The following ITFG2 variants were observed in gnomAD, a reference collection of about 807,000 sequenced individuals.
The protein encoded by ITFG2 is integrin alpha FG-GAP repeat containing 2, also known as KICSTOR complex protein ITFG2.
In ITFG2, 36 loss-of-function variants were observed where a neutral mutation model predicts 54.4. The observed-to-expected ratio is 0.66, with a 90% confidence interval of 0.51 to 0.87. The LOEUF is 0.87. Ranked by LOEUF, ITFG2 falls within the 40% of genes least tolerant of loss-of-function variation. ITFG2 has a pLI of 0.00. For missense variants in ITFG2, 524 were observed against 576.7 expected (o/e 0.91, Z 0.94); for synonymous variants, 211 against 225.4 (o/e 0.94, Z 0.57).
At chr12:2,829,046 A>C (rs1035554679), downstream of ITFG2, among the ~76,000 whole-genome samples, 1 of 152,112 alleles carries the variant, frequency 6.6e-6, no homozygotes, top group African/African-American at 2.4e-5. Flanking sequence ...CAAAAAATAA[A>C]ATGGAAAAAA....
intron 1 of ITFG2, among the ~76,000 whole-genome samples, chr12:2,837,800 A>G (rs538169760): frequency 2.0e-5 from 3 of 152,284 alleles, no homozygotes; most frequent in East Asian, 3.9e-4. Context: ...CTGAACTCCA[A>G]CCTGGGTGAC....
chr12:2,834,835 G>T (rs770852703), upstream of ITFG2: 2 of 1,613,678 alleles, frequency 1.2e-6, no homozygotes, highest in Non-Finnish European at 1.7e-6. Context: ...GGTGCTCATG[G>T]CCCCTGCTGG....
At chr12:2,849,398 C>T in intron 2 of ITFG2, 2 of 1,536,178 alleles carry the variant, frequency 1.3e-6, no homozygotes, top group Non-Finnish European at 1.7e-6. Flanking sequence ...AGCTTTAGCA[C>T]CTTCTCCTGG....
chr12:2,853,697 T>C (rs962903560), intron 2 of ITFG2, among the ~76,000 whole-genome samples: 1 of 151,962 alleles, frequency 6.6e-6, no homozygotes, highest in African/African-American at 2.4e-5. Flanking sequence ...ATTTGAGACA[T>C]TCCTTTTCAT....
chr12:2,815,094 G>A (rs906211422), intron 1 of ITFG2, among the ~76,000 whole-genome samples: 5 of 151,558 alleles, frequency 3.3e-5, no homozygotes, highest in Admixed American at 2.0e-4. Flanking sequence ...GGCCTGCCTC[G>A]GCCTCCCAAA....
chr12:2,818,236 A>G lies in ITFG2; in HGVS notation c.365A>G (p.His122Arg). 6.2e-7 allele frequency: 1 copy of G among 1,613,924 alleles called. No homozygotes were observed. Among genetic ancestry groups the G allele is most frequent in the Non-Finnish European group, 8.5e-7 (1 of 1,180,038 alleles). ...GEEQRPVFKQ[H>R]IPANTKVMLI... Reference sequence around the variant, plus strand: ...GAGCAGCGTCCAGTCTTCAAGCAGCACATCCCTGCCAACACCAAGGTCATG... The same window carrying G: ...GAGCAGCGTCCAGTCTTCAAGCAGCGCATCCCTGCCAACACCAAGGTCATG... Residue 122 changes from histidine to arginine, a missense_variant, in exon 4 of 12, where the codon CAC (histidine) becomes CGC (arginine). Physicochemically the swap from His to Arg is conservative, Grantham distance 29. Coordinates refer to ENST00000228799, the MANE Select transcript of ITFG2 (RefSeq NM_018463.4).
rs1378033389 is a variant in ITFG2, at chr12:2,817,904, T to C, written c.193-5T>C. On this transcript the variant is annotated splice_polypyrimidine_tract_variant and splice_region_variant and intron_variant, in intron 2 of 11. Transcript: ENST00000228799. ...TCTCCCTGAGCCTCCCTTTCTCTCTTACAGCTGACTTGCGTTGGGGTTGGA... is the reference window on the plus strand; with the variant it reads ...TCTCCCTGAGCCTCCCTTTCTCTCTCACAGCTGACTTGCGTTGGGGTTGGA... 3 of 1,613,764 alleles carry C rather than the reference T, an allele frequency of 1.9e-6. No homozygotes were observed. Among genetic ancestry groups the C allele is most frequent in the Non-Finnish European group, 2.5e-6 (3 of 1,179,868 alleles).
At chr12:2,854,950 C>T (rs924806459) in intron 2 of ITFG2, 7 of 1,536,030 alleles carry the variant, frequency 4.6e-6, no homozygotes, top group Middle Eastern at 1.7e-4. Flanking sequence ...TGGGGGTGCT[C>T]TTGCCTCACT....
downstream of ITFG2, chr12:2,828,358 G>T (rs755802268): frequency 6.2e-6 from 10 of 1,614,056 alleles, no homozygotes; most frequent in South Asian, 1.1e-4. Flanking sequence ...ATCCAGCAGA[G>T]ATCCGATTGT....
chr12:2,815,753 C>T (rs750248477), intron 1 of ITFG2, among the ~76,000 whole-genome samples: 1 of 152,154 alleles, frequency 6.6e-6, no homozygotes, highest in Non-Finnish European at 1.5e-5. Context: ...CTGGGGTGGG[C>T]CATAGATTGT....
At position 2,855,456 on chromosome 12, in the gene ITFG2, GAC is replaced by G. The variant is rs1410335907; in HGVS notation, n.301-2554_301-2553del. The G allele has an allele frequency of 2.8e-6, 4 of 1,418,920 alleles. No individual in the cohort carries two copies. In the African/African-American group the frequency reaches 5.7e-5, roughly 20 times the overall value. 87.9% of individuals were successfully genotyped at this position (1,418,920 alleles called of 1,614,324 possible). Reference sequence around the variant, plus strand: ...CGCTGGCCTGGACCATCTAGGGAGAGACAAAAGGGAGCCTGGGGAAGGTTGTG... The same window carrying G: ...CGCTGGCCTGGACCATCTAGGGAGAGAAAAGGGAGCCTGGGGAAGGTTGTG... On this transcript the variant is annotated intron_variant and non_coding_transcript_variant, in intron 2 of 3. Coordinates refer to the ITFG2 transcript ENST00000537710.
At chr12:2,823,733 A>G (rs1603483333) in intron 10 of ITFG2, 37 bp from the exon 11 acceptor site, 3 of 1,511,254 alleles carry the variant, frequency 2.0e-6, no homozygotes, top group Non-Finnish European at 2.7e-6. Context: ...CGGCACTGAA[A>G]CTTCCTGACC....
chr12:2,840,664 T>C (rs2153927099), intron 1 of ITFG2, among the ~76,000 whole-genome samples: 1 of 152,138 alleles, frequency 6.6e-6, no homozygotes, highest in African/African-American at 2.4e-5. Context: ...CGGGCGCCTG[T>C]AGTCCCAGCT....
intron 2 of ITFG2, chr12:2,856,995 C>T (rs1159255153): frequency 5.7e-6 from 4 of 703,004 alleles, no homozygotes; most frequent in Non-Finnish European, 1.0e-5. Context: ...GTGACTGGGC[C>T]CTCTGAGTGA....
chr12:2,819,107 T>G (rs1482734126), intron 4 of ITFG2, among the ~76,000 whole-genome samples: 1 of 151,580 alleles, frequency 6.6e-6, no homozygotes, highest in Non-Finnish European at 1.5e-5. Context: ...GGCAGGCGGA[T>G]CCCTTAAGCT....
At chr12:2,843,565 C>T (rs568948498) in intron 2 of ITFG2, among the ~76,000 whole-genome samples, 3 of 151,866 alleles carry the variant, frequency 2.0e-5, no homozygotes, top group East Asian at 3.9e-4. Context: ...GTAATCTCAG[C>T]ACTTAAGGAT....
chr12:2,823,738 C>G (rs756354852), intron 10 of ITFG2, 32 bp from the exon 11 acceptor site: 3 of 1,519,806 alleles, frequency 2.0e-6, no homozygotes, highest in South Asian at 1.3e-5. Context: ...CTGAAACTTC[C>G]TGACCTTTAT....
chr12:2,827,283 T>A, downstream of ITFG2: 1 of 1,613,908 alleles, frequency 6.2e-7, no homozygotes, highest in Non-Finnish European at 8.5e-7. The surrounding 1 kb of genome is among the most constrained non-coding windows in gnomAD (Gnocchi z 4.0). Flanking sequence ...CACTCCGTGC[T>A]CCAGGTCGAT....
At chr12:2,851,988 T>G in intron 2 of ITFG2, among the ~76,000 whole-genome samples, 1 of 152,260 alleles carries the variant, frequency 6.6e-6, no homozygotes, top group East Asian at 1.9e-4. Flanking sequence ...CCACTAAATT[T>G]ATTTTTAAAA....
Sources: gnomAD v4.1 joint callset for allele counts (sites outside exome capture counted in the v4.1 genomes callset) on GRCh38, gnomAD v4.1.1 for gene constraint, Gnocchi (gnomAD v3.1) non-coding constraint, MANE v1.5 for transcripts, NCBI Gene and HGNC (gene_info 2026-07-23, HGNC 2026-07-21) for gene names.